RIMBP2: variants seen among roughly 807,000 people sequenced by gnomAD.
RIMBP2 encodes the protein RIMS-binding protein 2.
RIMBP2 carries 48 observed loss-of-function variants against 118.6 expected under a neutral mutation model. That is an observed-to-expected ratio of 0.40 (90% CI 0.32 to 0.51). RIMBP2 has a LOEUF of 0.51. Among genes scored for constraint, RIMBP2 ranks in the 20% least tolerant of loss-of-function variants. The pLI is 0.41. For synonymous variants in RIMBP2, 762 were observed against 742.9 expected, an observed-to-expected ratio of 1.03 and a Z score of -0.42; for missense variants, 1,551 against 1,768.3, an observed-to-expected ratio of 0.88 and a Z score of 2.20.
At chr12:130,439,751 G>T (rs999726709) in intron 11 of RIMBP2, among the ~76,000 whole-genome samples, 1 of 148,700 alleles carries the variant, frequency 6.7e-6, no homozygotes, top group African/African-American at 2.5e-5. Context: ...GTGGGTCTGT[G>T]GGGGTGTCTG....
rs1184509635 is a variant in RIMBP2 at position 130,446,331 on chromosome 12, TC to T, written c.582-1063del. ...ACCAACACTTTCATACACGTTTTATTCGATGGCCATTAAATGTTAGGAAAAC... is the reference window on the plus strand; with the variant it reads ...ACCAACACTTTCATACACGTTTTATTGATGGCCATTAAATGTTAGGAAAAC... On this transcript the variant is annotated intron_variant, in intron 9 of 22. Transcript: ENST00000690449. This position sits in a 1 kb window ranked among gnomAD's most constrained non-coding sequence, Gnocchi z 4.1. 2.6e-5 allele frequency among the ~76,000 whole-genome samples: 4 copies of T among 152,192 alleles called. No individual in the cohort carries two copies. The highest frequency in any genetic ancestry group is 5.9e-5 in the Non-Finnish European group (4 of 68,034).
At chr12:130,668,621 G>A (rs2064056444) in intron 1 of RIMBP2, 1 of 152,346 alleles carries the variant, frequency 6.6e-6, no homozygotes, top group Non-Finnish European at 1.5e-5. Context: ...TTATTCAGCA[G>A]CAGCTCTCAT....
intron 1 of RIMBP2, among the ~76,000 whole-genome samples, chr12:130,642,938 C>T (rs536281529): frequency 3.3e-5 from 5 of 152,304 alleles, no homozygotes; most frequent in East Asian, 1.9e-4. Context: ...TGCTTCCCTC[C>T]GTGGAGCGCC....
intron 3 of RIMBP2, among the ~76,000 whole-genome samples, chr12:130,510,180 T>C (rs2050769117): frequency 6.6e-6 from 1 of 152,134 alleles, no homozygotes; most frequent in Admixed American, 6.5e-5. Context: ...CCCACAGGTG[T>C]GTTACAAACG....
chr12:130,712,539 C>T (rs1486673832), intron 1 of RIMBP2, among the ~76,000 whole-genome samples: 6 of 152,156 alleles, frequency 3.9e-5, no homozygotes, highest in African/African-American at 1.4e-4. Context: ...AGGGGAATAA[C>T]ACAAGGTGTG....
chr12:130,504,172 G>C (rs956973065), intron 4 of RIMBP2, among the ~76,000 whole-genome samples: 11 of 152,126 alleles, frequency 7.2e-5, no homozygotes, highest in Non-Finnish European at 1.3e-4. Flanking sequence ...ACTACATCCC[G>C]TTCACAATTC....
intron 2 of RIMBP2, among the ~76,000 whole-genome samples, chr12:130,549,790 G>A (rs1415933171): frequency 6.6e-6 from 1 of 152,084 alleles, no homozygotes; most frequent in Non-Finnish European, 1.5e-5. Flanking sequence ...CCATGTCTTT[G>A]CTACTGTGAA....
intron 5 of RIMBP2, among the ~76,000 whole-genome samples, chr12:130,472,888 C>T (rs1424244842): frequency 6.6e-6 from 1 of 152,118 alleles, no homozygotes; most frequent in African/African-American, 2.4e-5. Flanking sequence ...TTCTCAAGTT[C>T]AGCTCAACCG....
rs144489877 is a variant in RIMBP2 at position 130,446,475 on chromosome 12, C to T, written c.582-1206G>A. ...AGCTGAGACCTCCTGACCCGTCCTGCGCAGTTTTAACCACACCAGGTCACG... is the reference window on the plus strand; with the variant it reads ...AGCTGAGACCTCCTGACCCGTCCTGTGCAGTTTTAACCACACCAGGTCACG... On this transcript the variant is annotated intron_variant, in intron 9 of 22. Coordinates refer to ENST00000690449, the MANE Select transcript of RIMBP2 (RefSeq NM_001393629.1). This position sits in a 1 kb window ranked among gnomAD's most constrained non-coding sequence, Gnocchi z 4.1. Among the ~76,000 whole-genome samples the T allele has an allele frequency of 7.4e-3, 1,130 of 152,310 alleles. 17 individuals carry two copies. The highest frequency in any genetic ancestry group is 0.03 in the Admixed American group (461 of 15,298).
chr12:130,564,686 T>C lies in RIMBP2; in HGVS notation c.-216-46769A>G, dbSNP rs12305358. On this transcript the variant is annotated intron_variant, in intron 2 of 22. Coordinates refer to ENST00000690449, the MANE Select transcript of RIMBP2 (RefSeq NM_001393629.1). ...CAAATACTGTAACACTCCTTTTATA[T>C]AAGGCCTCTAAACAGTGGCAGTTAA... is the stretch of plus-strand genomic sequence containing the variant. 2.0e-3 allele frequency among the ~76,000 whole-genome samples: 310 copies of C among 152,290 alleles called. 2 individuals are homozygous for C. Among genetic ancestry groups the C allele is most frequent in the African/African-American group, 7.1e-3 (297 of 41,560 alleles).
At chr12:130,490,540 A>T (rs1277519186) in intron 4 of RIMBP2, among the ~76,000 whole-genome samples, 1 of 152,188 alleles carries the variant, frequency 6.6e-6, no homozygotes, top group Non-Finnish European at 1.5e-5. Context: ...AAATCGGGGT[A>T]CAGGGAGATG....
chr12:130,397,732 C>CCAGA, intron 22 of RIMBP2, 183 bp from the exon 23 acceptor site: 1 of 383,784 alleles, frequency 2.6e-6, no homozygotes, highest in Non-Finnish European at 4.6e-6. Flanking sequence ...GAGAGAGGCC[C>CCAGA]CAGACATAAA....
Position 130,428,291 on chromosome 12 carries a change from C to A in RIMBP2, c.2300G>T (p.Gly767Val). 4 of 1,612,894 alleles carry A rather than the reference C, an allele frequency of 2.5e-6. No homozygotes were observed. Among genetic ancestry groups the A allele is most frequent in the Non-Finnish European group, 3.4e-6 (4 of 1,179,424 alleles). The change falls in exon 15 of 23, where the codon GGG (glycine) becomes GTG (valine). Residue 767 changes from glycine (G) to valine (V), a missense_variant. Physicochemically the swap from Gly to Val is moderately radical, Grantham distance 109. Transcript: ENST00000690449. ...CTCCATGATGTCTGAGAGGTCAGAC[C>A]CCCGGCTGCTCTCTGTGTGGTACTC... Reference protein sequence around the residue: ...GDEYHTESSRGSDLSDIMEED... With the variant: ...GDEYHTESSRVSDLSDIMEED...
intron 2 of RIMBP2, among the ~76,000 whole-genome samples, chr12:130,543,670 C>A (rs1008958475): frequency 1.3e-5 from 2 of 152,018 alleles, no homozygotes; most frequent in South Asian, 4.2e-4. Context: ...TTCCATTCCC[C>A]CAGTTCTACA....
In RIMBP2 at chr12:130,436,909, G is replaced by T; in HGVS notation, c.2039C>A (p.Pro680Gln). The change falls in exon 13 of 23, where the codon CCG becomes CAG. Residue 680 changes from proline (P) to glutamine (Q), a missense_variant. Around this residue, in one of 5 missense-constraint regions of RIMBP2, gnomAD observed 1,038 missense variants for 1,125.1 expected, o/e 0.92. Coordinates refer to ENST00000690449, the MANE Select transcript of RIMBP2 (RefSeq NM_001393629.1). ...SRILPQPQGT[P>Q]VSTTVAKAMA... ...GGCCTTGGCGACGGTGGTGGACACC[G>T]GGGTGCCCTGTGGCTGTGGCAGGAT... 33 of 1,600,932 alleles carry T rather than the reference G, an allele frequency of 2.1e-5. No homozygotes were observed. The highest frequency in any genetic ancestry group is 2.7e-5 in the Non-Finnish European group (32 of 1,175,088).
rs575034408 is a variant in RIMBP2 at position 130,534,615 on chromosome 12, T to C, written c.-216-16698A>G. Among the ~76,000 whole-genome samples, 192 of 152,348 alleles carry C rather than the reference T, an allele frequency of 1.3e-3. 1 individual carries two copies. Among genetic ancestry groups the C allele is most frequent in the African/African-American group, 4.4e-3 (184 of 41,586 alleles). ...TCTTCACCAACTTTGGTGCTGTCAA[T>C]CCTTCTCTATGGAAGCCATCCTGGT... On this transcript the variant is annotated intron_variant, in intron 2 of 22. Coordinates refer to ENST00000690449, the MANE Select transcript of RIMBP2 (RefSeq NM_001393629.1).
At chr12:130,666,724 A>G (rs1402145825) in intron 1 of RIMBP2, among the ~76,000 whole-genome samples, 1 of 130,642 alleles carries the variant, frequency 7.7e-6, no homozygotes, top group East Asian at 2.7e-4. Flanking sequence ...AGGAAGGGAG[A>G]AGGGAAGAAG....
chr12:130,650,000 G>C (rs149834687), intron 1 of RIMBP2, among the ~76,000 whole-genome samples: 1 of 152,090 alleles, frequency 6.6e-6, no homozygotes, highest in East Asian at 1.9e-4. Context: ...TCAGAGATGA[G>C]GGAGGTGCAG....
intron 1 of RIMBP2, among the ~76,000 whole-genome samples, chr12:130,698,200 G>GCAC (rs1302785597): frequency 6.6e-6 from 1 of 152,162 alleles, no homozygotes; most frequent in Non-Finnish European, 1.5e-5. Context: ...GAAGGCGTGG[G>GCAC]CCACAGAGCC....
Sources: gnomAD v4.1 joint callset for allele counts (sites outside exome capture counted in the v4.1 genomes callset) on GRCh38, gnomAD v4.1.1 for gene constraint, gnomAD v4.1.1 regional missense constraint, Gnocchi (gnomAD v3.1) non-coding constraint, MANE v1.5 for transcripts, NCBI Gene and HGNC (gene_info 2026-07-23, HGNC 2026-07-21) for gene names.